ADAMTS16: variants seen among roughly 807,000 people sequenced by gnomAD.
ADAMTS16 encodes the protein A disintegrin and metalloproteinase with thrombospondin motifs 16.
A neutral mutation model predicts 145.8 loss-of-function variants in ADAMTS16; 94 were observed. The ratio of observed to expected loss-of-function variants is 0.64; its 90% CI spans 0.55 to 0.77. The LOEUF is 0.77. ADAMTS16 is among the 30% of genes least tolerant of loss of function. The pLI is 0.00. For missense variants in ADAMTS16, 1,585 were observed against 1,591.5 expected (o/e 1.00, Z 0.07); for synonymous variants, 659 against 604.3 (o/e 1.09, Z -1.33).
In ADAMTS16 at chr5:5,230,111, G is replaced by A. The variant is rs550650683; in HGVS notation, c.1702-2257G>A. On this transcript the variant is annotated intron_variant, in intron 11 of 22. Transcript: ENST00000274181. ...CAATTGCCTGATTATAGCAGATCTA[G>A]AGAACCCAGGGGACGTGTTCAATGG... Among the ~76,000 whole-genome samples, 3 of 152,218 alleles carry A rather than the reference G, an allele frequency of 2.0e-5. No homozygotes were observed. The South Asian group carries it at 6.2e-4, about 32-fold the overall frequency.
chr5:5,235,087 C>G lies in ADAMTS16; in HGVS notation c.1924C>G (p.Arg642Gly), dbSNP rs745582635. The change falls in exon 13 of 23, where the codon CGG becomes GGG. Residue 642 changes from arginine (R) to glycine (G), a missense_variant. Physicochemically the swap from Arg to Gly is moderately radical, Grantham distance 125. Around this residue, in one of 3 missense-constraint regions of ADAMTS16, gnomAD observed 834 missense variants for 811.7 expected, o/e 1.03. Transcript: ENST00000274181. ...LKLCNSQKCP[R>G]DSVDFRAAQC... is the part of the protein sequence containing the mutation. ...GCTCTGCAACAGTCAGAAATGTCCC[C>G]GGGACAGTGTTGACTTCCGTGCTGC... 3 of 1,607,390 alleles carry G rather than the reference C, an allele frequency of 1.9e-6. No homozygotes were observed. The highest frequency in any genetic ancestry group is 2.6e-6 in the Non-Finnish European group (3 of 1,174,714).
intron 21 of ADAMTS16, among the ~76,000 whole-genome samples, chr5:5,309,589 A>G (rs568199619): frequency 6.6e-6 from 1 of 152,304 alleles, no homozygotes; most frequent in East Asian, 1.9e-4. Context: ...ACAGAACATC[A>G]AAGCACACAC....
Position 5,308,126 on chromosome 5 carries a change from C to T in ADAMTS16, c.3411+1398C>T, listed in dbSNP as rs1208601013. On this transcript the variant is annotated intron_variant, in intron 21 of 22. Transcript: ENST00000274181. ...ACCCAAGGTGAAGTCTTACGTTGAT[C>T]GTGCCACCAAGACACCCGTCACCAA... Among the ~76,000 whole-genome samples the T allele has an allele frequency of 2.0e-5, 3 of 152,236 alleles. No individual in the cohort carries two copies. The South Asian group carries it at 6.2e-4, about 31-fold the overall frequency.
chr5:5,140,767 G>T lies in ADAMTS16; in HGVS notation c.175+1G>T. The stretch of plus-strand genomic sequence containing the variant: ...CGGCCGGGCTGGATGGAAAAGGGCG[G>T]TAAGTCCGTGAGGTGGGGGCTTCTA... On this transcript the variant is annotated splice_donor_variant, in intron 2 of 22. Coordinates refer to ENST00000274181, the MANE Select transcript of ADAMTS16 (RefSeq NM_139056.4). LOFTEE classifies it high-confidence loss of function. The T allele has an allele frequency of 6.4e-7, 1 of 1,556,298 alleles. No individual in the cohort carries two copies. Among genetic ancestry groups the T allele is most frequent in the South Asian group, 1.2e-5 (1 of 84,740 alleles).
intron 14 of ADAMTS16, 124 bp downstream of exon 14, chr5:5,237,223 G>T (rs1161469081): frequency 3.0e-6 from 3 of 1,005,912 alleles, no homozygotes; most frequent in African/African-American, 1.6e-5. Flanking sequence ...TTGCAGCCCA[G>T]TGGGGAGAAA....
At chr5:5,251,122 G>A (rs916652459) in intron 17 of ADAMTS16, among the ~76,000 whole-genome samples, 2 of 152,138 alleles carry the variant, frequency 1.3e-5, no homozygotes, top group African/African-American at 2.4e-5. Flanking sequence ...TTTTCATTGC[G>A]AATGTCATAA....
Position 5,269,188 on chromosome 5 carries a change from C to T in ADAMTS16, c.2789+6405C>T, listed in dbSNP as rs1198412487. 6.6e-6 allele frequency among the ~76,000 whole-genome samples: 1 copy of T among 152,062 alleles called. No individual in the cohort carries two copies. The highest frequency in any genetic ancestry group is 6.5e-5 in the Admixed American group (1 of 15,280). ...CGTCCCACCGCTCACTGCCCAGGAC[C>T]CCGGAGCCCCCACCCAGGCCAGAGG... On this transcript the variant is annotated intron_variant, in intron 18 of 22. Transcript: ENST00000274181. This position sits in a 1 kb window ranked among gnomAD's most constrained non-coding sequence, Gnocchi z 4.3.
At chr5:5,232,868 G>T (rs895216708) in intron 12 of ADAMTS16, among the ~76,000 whole-genome samples, 1 of 152,034 alleles carries the variant, frequency 6.6e-6, no homozygotes, top group African/African-American at 2.4e-5. Context: ...CTCCCAAAGT[G>T]CTGGGATTAC....
chr5:5,295,249 G>GT (rs1178813785), intron 18 of ADAMTS16, among the ~76,000 whole-genome samples: 3 of 152,166 alleles, frequency 2.0e-5, no homozygotes, highest in Non-Finnish European at 2.9e-5. Context: ...TTTAAAATTT[G>GT]TATGTTTCCT....
At chr5:5,157,628 A>G (rs1213544417) in intron 3 of ADAMTS16, among the ~76,000 whole-genome samples, 2 of 152,216 alleles carry the variant, frequency 1.3e-5, no homozygotes, top group Non-Finnish European at 2.9e-5. Context: ...AATGTGTCTT[A>G]AGCAGTTGGT....
At chr5:5,146,041 T>C in intron 2 of ADAMTS16, 89 bp from the exon 3 acceptor site, 1 of 1,135,448 alleles carries the variant, frequency 8.8e-7, no homozygotes, top group Non-Finnish European at 1.2e-6. Flanking sequence ...GGAAAGGTCA[T>C]GTGGTAAAAT....
At chr5:5,200,305 G>A (rs142145690) in intron 9 of ADAMTS16, 36 bp downstream of exon 9, 2 of 1,611,366 alleles carry the variant, frequency 1.2e-6, no homozygotes, top group African/African-American at 2.7e-5. Flanking sequence ...TGATCTTTCG[G>A]GGCCTTTGAT....
chr5:5,227,907 GT>G (rs1736816290), intron 11 of ADAMTS16, among the ~76,000 whole-genome samples: 1 of 152,186 alleles, frequency 6.6e-6, no homozygotes, highest in Non-Finnish European at 1.5e-5. Context: ...TTATGTATCT[GT>G]AAAAATGCGA....
chr5:5,316,504 C>A (rs910722825), intron 21 of ADAMTS16, among the ~76,000 whole-genome samples: 15 of 152,320 alleles, frequency 9.8e-5, no homozygotes, highest in African/African-American at 3.6e-4. Flanking sequence ...TCCAGTGTCT[C>A]TGTATCTTTA....
At chr5:5,190,585 G>C (rs1230584269) in intron 7 of ADAMTS16, among the ~76,000 whole-genome samples, 1 of 152,014 alleles carries the variant, frequency 6.6e-6, no homozygotes, top group Non-Finnish European at 1.5e-5. Context: ...GGTGTGACTT[G>C]TAGAGGCAGC....
At chr5:5,284,695 C>G (rs1271979764) in intron 18 of ADAMTS16, among the ~76,000 whole-genome samples, 1 of 152,210 alleles carries the variant, frequency 6.6e-6, no homozygotes, top group Non-Finnish European at 1.5e-5. Context: ...TGTTACCTGA[C>G]AGTGTAATCA....
chr5:5,298,120 G>A (rs1036533259), intron 18 of ADAMTS16, among the ~76,000 whole-genome samples: 2 of 152,176 alleles, frequency 1.3e-5, no homozygotes, highest in South Asian at 4.1e-4. Flanking sequence ...ACAGTGTCAG[G>A]AACATCTATG....
intron 21 of ADAMTS16, among the ~76,000 whole-genome samples, chr5:5,307,964 G>C (rs1461217367): frequency 1.3e-5 from 2 of 152,200 alleles, no homozygotes; most frequent in African/African-American, 4.8e-5. Flanking sequence ...AGACCCGGTC[G>C]AAGCCTATTG....
At chr5:5,140,588 C>A in intron 1 of ADAMTS16, 49 bp downstream of exon 1, 1 of 1,514,388 alleles carries the variant, frequency 6.6e-7, no homozygotes, top group Non-Finnish European at 8.8e-7. Context: ...GTCCGGACAG[C>A]TGGAGGCGAG....
Sources: allele counts gnomAD v4.1 joint callset (sites outside exome capture counted in the v4.1 genomes callset), GRCh38; gene constraint gnomAD v4.1.1; regional missense constraint gnomAD v4.1.1; non-coding constraint Gnocchi (gnomAD v3.1); transcripts MANE v1.5; gene names NCBI Gene and HGNC (gene_info 2026-07-23, HGNC 2026-07-21).